The following MTCL1 variants were observed in gnomAD, a reference collection of about 807,000 sequenced individuals.
MTCL1 encodes microtubule cross-linking factor 1.
MTCL1 carries 79 observed loss-of-function variants against 141.4 expected under a neutral mutation model. The ratio of observed to expected loss-of-function variants is 0.56; its 90% CI spans 0.47 to 0.67. The LOEUF (loss-of-function observed/expected upper bound fraction) is 0.67. Among genes scored for constraint, MTCL1 ranks in the 30% least tolerant of loss-of-function variants. The pLI is 0.00. For synonymous variants in MTCL1, 914 were observed against 875.8 expected, an observed-to-expected ratio of 1.04 and a Z score of -0.77; for missense variants, 2,177 against 2,113.9, an observed-to-expected ratio of 1.03 and a Z score of -0.59.
At chr18:8,811,106 A>G (rs918137168) in intron 11 of MTCL1, 1 of 152,232 alleles carries the variant, frequency 6.6e-6, no homozygotes, top group African/African-American at 2.4e-5. Flanking sequence ...GATTTATTTA[A>G]CAACAAGGTT....
At chr18:8,818,403 G>A (rs2076731941) in intron 12 of MTCL1, among the ~76,000 whole-genome samples, 1 of 150,594 alleles carries the variant, frequency 6.6e-6, no homozygotes, top group Non-Finnish European at 1.5e-5. Context: ...AGCTAAGTTT[G>A]TATCCTCTCA....
Position 8,806,881 on chromosome 18 carries a change from G to T in MTCL1, c.2437-12G>T, listed in dbSNP as rs754126572. 2 of 1,611,576 alleles carry T rather than the reference G, an allele frequency of 1.2e-6. No homozygotes were observed. The highest frequency in any genetic ancestry group is 1.7e-6 in the Non-Finnish European group (2 of 1,179,074). On this transcript the variant is annotated splice_polypyrimidine_tract_variant and intron_variant, in intron 10 of 16. Transcript: ENST00000359865. ...AAAGGAGGTGGTGGAGCCTGACTCA[G>T]TGTTCCCGCAGGTGGTGGAAAACCA... is the stretch of plus-strand genomic sequence containing the variant.
intron 4 of MTCL1, among the ~76,000 whole-genome samples, chr18:8,743,190 G>T (rs2096314423): frequency 6.6e-6 from 1 of 152,228 alleles, no homozygotes; most frequent in African/African-American, 2.4e-5. Flanking sequence ...ACAGGACATT[G>T]TTCTAGCTGG....
chr18:8,783,614 A>C, exon 6 of MTCL1: 1 of 1,613,696 alleles, frequency 6.2e-7, no homozygotes, highest in Non-Finnish European at 8.5e-7. Context: ...CAAGCTAGGA[A>C]GGGAGAAGGA....
intron 4 of MTCL1, among the ~76,000 whole-genome samples, chr18:8,748,038 C>T (rs998613373): frequency 2.0e-5 from 3 of 152,098 alleles, no homozygotes; most frequent in African/African-American, 4.8e-5. Flanking sequence ...CCTGGTCTTC[C>T]GTCCCCAGAC....
chr18:8,766,263 T>G (rs1355335651), intron 4 of MTCL1, among the ~76,000 whole-genome samples: 1 of 152,196 alleles, frequency 6.6e-6, no homozygotes, highest in Non-Finnish European at 1.5e-5. Flanking sequence ...TCATGAGGCC[T>G]CCTCCATCAT....
At chr18:8,746,408 T>A (rs542826101) in intron 4 of MTCL1, among the ~76,000 whole-genome samples, 55 of 152,324 alleles carry the variant, frequency 3.6e-4, no homozygotes, top group African/African-American at 1.3e-3. Context: ...TTATTTTTTG[T>A]TCGGTTGTGA....
chr18:8,806,685 A>T (rs2076307705), intron 10 of MTCL1, among the ~76,000 whole-genome samples: 2 of 152,074 alleles, frequency 1.3e-5, no homozygotes, highest in Non-Finnish European at 2.9e-5. Context: ...ACAGGCCCTC[A>T]GTCTCAGGCC....
exon 1 of MTCL1, chr18:8,706,077 G>A (rs1374164158): frequency 1.7e-5 from 20 of 1,200,310 alleles, no homozygotes; most frequent in Non-Finnish European, 2.0e-5. Context: ...CGCCCGCGGA[G>A]CCGCTGTCCC....
At chr18:8,744,324 A>G (rs1335710927) in intron 4 of MTCL1, among the ~76,000 whole-genome samples, 1 of 152,248 alleles carries the variant, frequency 6.6e-6, no homozygotes, top group Non-Finnish European at 1.5e-5. Context: ...GAGTAATAAT[A>G]CATTTTCCAG....
rs146769625 is a variant in MTCL1, at chr18:8,724,298, C to G, written c.357+3802C>G. On this transcript the variant is annotated intron_variant, in intron 4 of 16. Transcript: ENST00000359865. ...TGGTGGCGCACACCTGTAATCCCAG[C>G]TACTCGGGAGGCTGAGGCAGGAGAA... is the stretch of plus-strand genomic sequence containing the variant. Among the ~76,000 whole-genome samples, 219 of 152,186 alleles carry G rather than the reference C, an allele frequency of 1.4e-3. 1 individual carries two copies. The highest frequency in any genetic ancestry group is 5.0e-3 in the African/African-American group (209 of 41,526).
At chr18:8,711,383 C>A (rs1388575967) in intron 1 of MTCL1, among the ~76,000 whole-genome samples, 2 of 148,046 alleles carry the variant, frequency 1.4e-5, no homozygotes, top group African/African-American at 2.5e-5. Flanking sequence ...AGCATGATTT[C>A]TAGTCCTTTG....
rs2096057003 is a variant in MTCL1 at position 8,705,837 on chromosome 18, C to T, written c.177C>T (p.Pro59=). The T allele has an allele frequency of 3.4e-6, 4 of 1,171,216 alleles. No individual in the cohort carries two copies. The highest frequency in any genetic ancestry group is 7.4e-5 in the East Asian group (2 of 27,128). The allele number at this position is 1,171,216 out of a possible 1,614,324, so 72.6% of individuals were successfully genotyped here. A position where few individuals can be genotyped will look rare whatever the true frequency, so the allele number is the denominator to read the frequency against. The change falls in exon 1 of 14, where the codon CCC becomes CCT. Residue 59 remains proline, a synonymous_variant. Coordinates refer to the MTCL1 transcript ENST00000306329. This position sits in a 1 kb window ranked among gnomAD's most constrained non-coding sequence, Gnocchi z 5.2. ...ACCTGCACGCCCGGCCCGCCGCGCC[C>T]GGCCCGGCCGTCCCCTCCTCGGGCC...
chr18:8,789,774 G>A (rs1030246750), intron 7 of MTCL1: 2 of 881,150 alleles, frequency 2.3e-6, no homozygotes, highest in Non-Finnish European at 2.7e-6. Flanking sequence ...TGGGGATTGG[G>A]TGGTAAAGGG....
intron 7 of MTCL1, among the ~76,000 whole-genome samples, chr18:8,791,567 A>G (rs903012402): frequency 6.6e-6 from 1 of 151,962 alleles, no homozygotes; most frequent in Non-Finnish European, 1.5e-5. Flanking sequence ...GAATTATCAG[A>G]TGGACGCTAT....
rs1328894453 is a variant in MTCL1, at chr18:8,822,780, C to T, written c.3188+1282C>T. On this transcript the variant is annotated intron_variant, in intron 14 of 16. Transcript: ENST00000359865. This position sits in a 1 kb window ranked among gnomAD's most constrained non-coding sequence, Gnocchi z 4.6. ...AACAGTAAACAGAGTTTAGTCATTACACCCTCCCACCTTCCCCGTTCACAG... is the reference window on the plus strand; with the variant it reads ...AACAGTAAACAGAGTTTAGTCATTATACCCTCCCACCTTCCCCGTTCACAG... 1.3e-5 allele frequency among the ~76,000 whole-genome samples: 2 copies of T among 152,042 alleles called. No homozygotes were observed. Among genetic ancestry groups the T allele is most frequent in the Admixed American group, 6.6e-5 (1 of 15,266 alleles).
chr18:8,756,712 T>G (rs1423907996), intron 4 of MTCL1, among the ~76,000 whole-genome samples: 1 of 152,134 alleles, frequency 6.6e-6, no homozygotes, highest in Non-Finnish European at 1.5e-5. Context: ...CTTTATGCAG[T>G]GAGGTCCAGA....
At chr18:8,818,976 A>G (rs771077598) in exon 13 of MTCL1, 1 of 1,607,182 alleles carries the variant, frequency 6.2e-7, no homozygotes, top group Non-Finnish European at 8.5e-7. Flanking sequence ...CAGAAAGAGA[A>G]CAGTCCCCGG....
At chr18:8,794,907 G>A (rs560542437) in intron 8 of MTCL1, among the ~76,000 whole-genome samples, 15 of 152,208 alleles carry the variant, frequency 9.9e-5, no homozygotes, top group African/African-American at 2.4e-4. Flanking sequence ...TCCCATGACC[G>A]TTACATCTTC....
Sources: allele counts gnomAD v4.1 joint callset (sites outside exome capture counted in the v4.1 genomes callset), GRCh38; gene constraint gnomAD v4.1.1; non-coding constraint Gnocchi (gnomAD v3.1); transcripts MANE v1.5; gene names NCBI Gene and HGNC (gene_info 2026-07-23, HGNC 2026-07-21).